The following MGAT4A variants were observed in gnomAD, a reference collection of about 807,000 sequenced individuals.
MGAT4A encodes the protein alpha-1,3-mannosyl-glycoprotein 4-beta-N-acetylglucosaminyltransferase A.
A neutral mutation model predicts 74.1 loss-of-function variants in MGAT4A; 33 were observed. The ratio of observed to expected loss-of-function variants is 0.45; its 90% confidence interval spans 0.34 to 0.60. The LOEUF (loss-of-function observed/expected upper bound fraction) is 0.60, where lower values mean the gene tolerates loss of function less well. Ranked by LOEUF, MGAT4A falls within the 20% of genes least tolerant of loss-of-function variation. The pLI is 0.02. For synonymous variants in MGAT4A, 198 were observed against 210.4 expected (o/e 0.94, Z 0.51); for missense variants, 479 against 628.3 (o/e 0.76, Z 2.54).
At chr2:98,676,480 T>C (rs537546590) in intron 3 of MGAT4A, among the ~76,000 whole-genome samples, 2 of 152,286 alleles carry the variant, frequency 1.3e-5, no homozygotes, top group Non-Finnish European at 2.9e-5. Context: ...AGCAAATGTA[T>C]CATTTGTTCA....
In MGAT4A at chr2:98,639,903, C is replaced by A; in HGVS notation, c.1227G>T (p.Glu409Asp). Reference protein sequence around the residue: ...SLKVYQGHTLEKTYMGEDFFW... With the variant: ...SLKVYQGHTLDKTYMGEDFFW... The stretch of plus-strand genomic sequence containing the variant: ...AGAAATCCTCTCCCATGTAAGTTTT[C>A]TCCAGCGTATGCCCTTGGTAGACCT... The change falls in exon 12 of 16, where the codon GAG (glutamate) becomes GAT (aspartate). Residue 409 changes from glutamate (E) to aspartate (D), a missense_variant. Physicochemically the swap from Glu to Asp is conservative, Grantham distance 45. This residue lies in a region of MGAT4A where 236 missense variants were observed against 308.2 expected (regional missense o/e 0.77). Coordinates refer to ENST00000393487, the MANE Select transcript of MGAT4A (RefSeq NM_012214.3). 1 of 1,614,192 alleles carries A rather than the reference C, an allele frequency of 6.2e-7. No homozygotes were observed. Among genetic ancestry groups the A allele is most frequent in the Non-Finnish European group, 8.5e-7 (1 of 1,180,008 alleles).
chr2:98,723,854 AT>A (rs1298876488), intron 2 of MGAT4A, among the ~76,000 whole-genome samples: 5 of 152,214 alleles, frequency 3.3e-5, no homozygotes, highest in Admixed American at 3.3e-4. Context: ...AGCTAGGAGC[AT>A]AAGCTCTTGA....
At chr2:98,653,236 C>A (rs1470355804) in intron 8 of MGAT4A, among the ~76,000 whole-genome samples, 4 of 145,164 alleles carry the variant, frequency 2.8e-5, no homozygotes, top group Admixed American at 1.4e-4. Context: ...AAATCAGCAA[C>A]CTAACTTCAA....
At chr2:98,631,617 C>T (rs1205206425) in intron 14 of MGAT4A, among the ~76,000 whole-genome samples, 2 of 152,214 alleles carry the variant, frequency 1.3e-5, no homozygotes, top group Non-Finnish European at 2.9e-5. Flanking sequence ...CGGAATGACG[C>T]AGAATTTGGC....
intron 12 of MGAT4A, among the ~76,000 whole-genome samples, chr2:98,638,255 A>G (rs547788590): frequency 6.6e-6 from 1 of 152,242 alleles, no homozygotes; most frequent in Admixed American, 6.5e-5. Flanking sequence ...CATTGTTTTT[A>G]TTTTTCAAAA....
chr2:98,679,970 G>A (rs749111023), intron 2 of MGAT4A, among the ~76,000 whole-genome samples: 12 of 151,574 alleles, frequency 7.9e-5, no homozygotes, highest in Non-Finnish European at 1.2e-4. Flanking sequence ...AAGATAAACC[G>A]CAAGCGTGCT....
At chr2:98,696,416 A>G (rs1379809457) in intron 2 of MGAT4A, among the ~76,000 whole-genome samples, 4 of 152,142 alleles carry the variant, frequency 2.6e-5, no homozygotes, top group African/African-American at 7.2e-5. Flanking sequence ...TTCACTCTTC[A>G]TTTGCTGCTG....
At chr2:98,676,888 A>G (rs778361989) in intron 3 of MGAT4A, among the ~76,000 whole-genome samples, 22 of 152,142 alleles carry the variant, frequency 1.4e-4, no homozygotes, top group Non-Finnish European at 3.1e-4. Flanking sequence ...TTTATCGGTG[A>G]TTTATTTTTT....
At chr2:98,633,913 C>T (rs1701280031) in intron 14 of MGAT4A, among the ~76,000 whole-genome samples, 1 of 152,148 alleles carries the variant, frequency 6.6e-6, no homozygotes, top group Non-Finnish European at 1.5e-5. Context: ...ATCATTCATC[C>T]ACCAAAACTA....
intron 2 of MGAT4A, among the ~76,000 whole-genome samples, chr2:98,679,041 G>A (rs1360749812): frequency 6.6e-6 from 1 of 152,108 alleles, no homozygotes; most frequent in African/African-American, 2.4e-5. Context: ...GGCCAGGCGT[G>A]GTGGCTCACA....
Position 98,688,217 on chromosome 2 carries a change from G to A in MGAT4A, c.95-9746C>T, listed in dbSNP as rs139567903. On this transcript the variant is annotated intron_variant, in intron 2 of 15. Transcript: ENST00000393487. ...TAGTCTTTCTTAGAAACCTCCCAAA[G>A]GATAAAGGGAACATCTGGGCTTTTT... 2.0e-5 allele frequency among the ~76,000 whole-genome samples: 3 copies of A among 151,996 alleles called. No homozygotes were observed. In the East Asian group the frequency reaches 5.8e-4, roughly 29 times the overall value.
chr2:98,681,425 T>C (rs1190554962), intron 2 of MGAT4A, among the ~76,000 whole-genome samples: 15 of 152,198 alleles, frequency 9.9e-5, no homozygotes, highest in Admixed American at 9.2e-4. Flanking sequence ...GAATACGTTA[T>C]ATGGTTTCAG....
intron 4 of MGAT4A, among the ~76,000 whole-genome samples, chr2:98,666,729 G>A (rs963144224): frequency 2.0e-5 from 3 of 151,926 alleles, no homozygotes; most frequent in Non-Finnish European, 2.9e-5. Context: ...CAACTAGGAT[G>A]AGGAGCATTC....
intron 8 of MGAT4A, among the ~76,000 whole-genome samples, chr2:98,649,483 G>A (rs530842937): frequency 3.3e-5 from 5 of 152,226 alleles, no homozygotes; most frequent in African/African-American, 1.2e-4. Context: ...TGACTTTTTC[G>A]AGTGCAGCCA....
intron 8 of MGAT4A, among the ~76,000 whole-genome samples, chr2:98,651,233 T>C (rs1003737287): frequency 6.6e-6 from 1 of 152,196 alleles, no homozygotes; most frequent in African/African-American, 2.4e-5. Flanking sequence ...TAAAACTCCC[T>C]GGTAAAGGTA....
At chr2:98,629,775 C>G (rs920162516) in intron 14 of MGAT4A, among the ~76,000 whole-genome samples, 2 of 152,134 alleles carry the variant, frequency 1.3e-5, no homozygotes, top group Non-Finnish European at 2.9e-5. Flanking sequence ...CAGCCACAGT[C>G]GCTCACACCT....
chr2:98,722,262 G>A (rs981478093), intron 2 of MGAT4A, among the ~76,000 whole-genome samples: 4 of 152,166 alleles, frequency 2.6e-5, no homozygotes, highest in African/African-American at 4.8e-5. Context: ...GTTCACCAGC[G>A]GATGGATGGA....
chr2:98,647,000 C>T (rs1701495955), intron 8 of MGAT4A, among the ~76,000 whole-genome samples: 1 of 152,204 alleles, frequency 6.6e-6, no homozygotes, highest in African/African-American at 2.4e-5. Flanking sequence ...AGCATTTACT[C>T]CAGCCTTTCT....
At chr2:98,716,117 G>A (rs533215215) in intron 2 of MGAT4A, among the ~76,000 whole-genome samples, 7 of 152,234 alleles carry the variant, frequency 4.6e-5, no homozygotes, top group South Asian at 2.1e-4. Flanking sequence ...CCAGGAGTTC[G>A]AGACCAGCCT....
Sources: gnomAD v4.1 joint callset for allele counts (sites outside exome capture counted in the v4.1 genomes callset) on GRCh38, gnomAD v4.1.1 for gene constraint, gnomAD v4.1.1 regional missense constraint, MANE v1.5 for transcripts, NCBI Gene and HGNC (gene_info 2026-07-23, HGNC 2026-07-21) for gene names.